Variants in C1orf146 observed in about 807,000 individuals in gnomAD.
C1orf146 encodes chromosome 1 open reading frame 146, also known as protein SPO16 homolog.
Under a neutral mutation model 23.0 loss-of-function variants are expected in C1orf146, and 22 were observed. The ratio of observed to expected loss-of-function variants is 0.96; its 90% confidence interval spans 0.68 to 1.36. The LOEUF (loss-of-function observed/expected upper bound fraction) is 1.36, where lower values mean the gene tolerates loss of function less well. C1orf146 is among the 40% of genes most tolerant of loss of function. The probability of loss-of-function intolerance (pLI) is 0.00; values close to 1 mark genes in which losing one functional copy is unlikely to be tolerated. For synonymous variants in C1orf146, 59 were observed against 65.3 expected (o/e 0.90, Z 0.47); for missense variants, 199 against 206.8 (o/e 0.96, Z 0.23).
intron 2 of C1orf146, among the ~76,000 whole-genome samples, chr1:92,235,530 C>G (rs1011413980): frequency 7.9e-5 from 12 of 152,196 alleles, no homozygotes; most frequent in African/African-American, 2.6e-4. Context: ...TTACTTCCAA[C>G]TATGTGGTCA....
At chr1:92,238,194 A>G (rs1288748527) in intron 2 of C1orf146, among the ~76,000 whole-genome samples, 3 of 152,162 alleles carry the variant, frequency 2.0e-5, no homozygotes, top group African/African-American at 7.2e-5. Context: ...GATGGCTTCC[A>G]AAAGTGCTGG....
chr1:92,245,472 T>G, intron 5 of C1orf146, 68 bp from the exon 6 acceptor site: 1 of 1,287,106 alleles, frequency 7.8e-7, no homozygotes, highest in Non-Finnish European at 1.1e-6. Flanking sequence ...GTCAGGTATT[T>G]TTAAATGTGA....
intron 2 of C1orf146, among the ~76,000 whole-genome samples, chr1:92,233,122 C>A (rs372562195): frequency 1.3e-5 from 2 of 152,146 alleles, no homozygotes; most frequent in Non-Finnish European, 2.9e-5. Context: ...AATTAGATCC[C>A]ATTTGTCAAT....
rs527977655 is a variant in C1orf146 at position 92,233,459 on chromosome 1, G to A, written c.66+1973G>A. 3.1e-3 allele frequency among the ~76,000 whole-genome samples: 479 copies of A among 152,072 alleles called. 2 individuals are homozygous for A. Among genetic ancestry groups the A allele is most frequent in the Non-Finnish European group, 5.1e-3 (346 of 68,004 alleles). Reference sequence around the variant, plus strand: ...ATTTCTGAGGGCTGTGTTCTGTTCCGTTGATCTATATCTCTGTTTTGGTAC... The same window carrying A: ...ATTTCTGAGGGCTGTGTTCTGTTCCATTGATCTATATCTCTGTTTTGGTAC... On this transcript the variant is annotated intron_variant, in intron 2 of 5. Transcript: ENST00000370375.
chr1:92,224,847 A>G (rs927631428), intron 1 of C1orf146, among the ~76,000 whole-genome samples: 3 of 152,030 alleles, frequency 2.0e-5, no homozygotes, highest in Admixed American at 1.3e-4. Context: ...GGTTCAAGCA[A>G]TTCTCCTGCC....
chr1:92,223,518 CTTTTTG>C (rs910867457), intron 1 of C1orf146, among the ~76,000 whole-genome samples: 14 of 151,848 alleles, frequency 9.2e-5, no homozygotes, highest in Admixed American at 5.9e-4. Flanking sequence ...CCTTGAGTGT[CTTTTTG>C]TTTTTGTTTT....
intron 2 of C1orf146, among the ~76,000 whole-genome samples, chr1:92,234,117 A>G (rs1262075082): frequency 6.6e-5 from 10 of 151,884 alleles, no homozygotes; most frequent in Non-Finnish European, 8.8e-5. Context: ...TCTCCTGCCT[A>G]ATTGCCCTGG....
At chr1:92,236,589 G>A (rs1223423048) in intron 2 of C1orf146, among the ~76,000 whole-genome samples, 1 of 152,016 alleles carries the variant, frequency 6.6e-6, no homozygotes, top group African/African-American at 2.4e-5. Flanking sequence ...TATGTGTCTT[G>A]GAGTTGCTCT....
intron 1 of C1orf146, among the ~76,000 whole-genome samples, chr1:92,223,329 AGTTT>A (rs1183754641): frequency 1.3e-5 from 2 of 152,170 alleles, no homozygotes; most frequent in South Asian, 2.1e-4. Flanking sequence ...TGATACTGTT[AGTTT>A]GTTAAATTTT....
chr1:92,223,782 C>T, intron 1 of C1orf146, among the ~76,000 whole-genome samples: 1 of 152,096 alleles, frequency 6.6e-6, no homozygotes, highest in East Asian at 1.9e-4. Flanking sequence ...GATCCACATG[C>T]CTCAGCCTCC....
At chr1:92,243,634 T>C (rs1314813807) in intron 3 of C1orf146, among the ~76,000 whole-genome samples, 3 of 152,152 alleles carry the variant, frequency 2.0e-5, no homozygotes, top group Admixed American at 6.6e-5. Context: ...TGTGAGCCAC[T>C]GCACCCAGCC....
chr1:92,224,136 C>G (rs1031819144), intron 1 of C1orf146, among the ~76,000 whole-genome samples: 4 of 151,340 alleles, frequency 2.6e-5, no homozygotes, highest in East Asian at 1.9e-4. Flanking sequence ...CTGCAAGCTC[C>G]TCCTCCCAGG....
At chr1:92,244,093 T>C (rs1422940376) in intron 3 of C1orf146, 124 bp from the exon 4 acceptor site, 2 of 632,328 alleles carry the variant, frequency 3.2e-6, no homozygotes, top group African/African-American at 1.9e-5. Context: ...GTACTTTCTA[T>C]TCCTTATGAG....
intron 1 of C1orf146, chr1:92,229,280 C>T: frequency 3.6e-6 from 2 of 554,420 alleles, no homozygotes; most frequent in South Asian, 2.8e-5. Context: ...TGAAGATGTC[C>T]ACATCACACT....
chr1:92,239,929 A>G (rs567750320), intron 2 of C1orf146, among the ~76,000 whole-genome samples: 1 of 152,294 alleles, frequency 6.6e-6, no homozygotes, highest in South Asian at 2.1e-4. Flanking sequence ...TCTCTTTTAT[A>G]TGATGAATTA....
intron 3 of C1orf146, among the ~76,000 whole-genome samples, chr1:92,243,410 G>C (rs1652477737): frequency 6.6e-6 from 1 of 150,794 alleles, no homozygotes; most frequent in Non-Finnish European, 1.5e-5. Context: ...GCAGTGGTGT[G>C]ATCTCAGCTC....
chr1:92,220,361 TTAA>T (rs1417615925), intron 1 of C1orf146, among the ~76,000 whole-genome samples: 1 of 152,210 alleles, frequency 6.6e-6, no homozygotes, highest in African/African-American at 2.4e-5. Context: ...CATGCATTGC[TTAA>T]TGATGGGGAT....
chr1:92,244,132 T>TAAC (rs10676893), intron 3 of C1orf146, 85 bp from the exon 4 acceptor site: 6 of 860,728 alleles, frequency 7.0e-6, no homozygotes, highest in African/African-American at 3.4e-5. Context: ...GTGGTATACT[T>TAAC]AGTTATTTTG....
At chr1:92,220,284 GC>G (rs1486409781) in intron 1 of C1orf146, among the ~76,000 whole-genome samples, 2 of 152,082 alleles carry the variant, frequency 1.3e-5, no homozygotes, top group Admixed American at 1.3e-4. Context: ...TTTGTTTTAG[GC>G]CCTTTCAGCT....
Sources: gnomAD v4.1 joint callset for allele counts (sites outside exome capture counted in the v4.1 genomes callset) on GRCh38, gnomAD v4.1.1 for gene constraint, MANE v1.5 for transcripts, NCBI Gene and HGNC (gene_info 2026-07-23, HGNC 2026-07-21) for gene names.